Variants in MBD5 observed in about 807,000 individuals in gnomAD.
MBD5 encodes methyl-CpG-binding domain protein 5.
A neutral mutation model predicts 117.3 loss-of-function variants in MBD5; 13 were observed. The ratio of observed to expected loss-of-function variants is 0.11; its 90% CI spans 0.07 to 0.18. The LOEUF (loss-of-function observed/expected upper bound fraction) is 0.18. Ranked by LOEUF, MBD5 falls within the 10% of genes least tolerant of loss-of-function variation. MBD5 has a pLI of 1.00. For synonymous variants in MBD5, 727 were observed against 766.4 expected (o/e 0.95, Z 0.85); for missense variants, 1,879 against 2,093.8 (o/e 0.90, Z 2.00).
At chr2:148,320,827 T>G (rs2106568532) in intron 3 of MBD5, among the ~76,000 whole-genome samples, 1 of 152,322 alleles carries the variant, frequency 6.6e-6, no homozygotes, top group Middle Eastern at 3.4e-3. Flanking sequence ...TCTTTTGTAT[T>G]TCTGTGGTAT....
chr2:148,308,448 G>A (rs911786933), intron 3 of MBD5, among the ~76,000 whole-genome samples: 2 of 141,580 alleles, frequency 1.4e-5, no homozygotes, highest in African/African-American at 5.1e-5. Flanking sequence ...CTTTTGAGAA[G>A]TGTCTGTTCA....
intron 3 of MBD5, among the ~76,000 whole-genome samples, chr2:148,335,636 C>G (rs1340664473): frequency 6.6e-6 from 1 of 151,996 alleles, no homozygotes; most frequent in Non-Finnish European, 1.5e-5. Context: ...GGGAGGATCA[C>G]TTGAGCCCAG....
chr2:148,066,247 A>G (rs1197581380), intron 1 of MBD5, among the ~76,000 whole-genome samples: 1 of 152,110 alleles, frequency 6.6e-6, no homozygotes, highest in Non-Finnish European at 1.5e-5. Context: ...CGGAGGTTGT[A>G]GTGAGCTGAG....
At chr2:148,175,920 A>G (rs966217638) in intron 1 of MBD5, among the ~76,000 whole-genome samples, 7 of 152,236 alleles carry the variant, frequency 4.6e-5, no homozygotes, top group African/African-American at 1.7e-4. Flanking sequence ...AAAGCAAGAA[A>G]TAAGTTTTAG....
intron 1 of MBD5, among the ~76,000 whole-genome samples, chr2:148,113,363 T>A (rs890699154): frequency 2.6e-5 from 4 of 152,004 alleles, no homozygotes; most frequent in African/African-American, 4.8e-5. Context: ...GTCAAAAACT[T>A]TTTTTTTAAC....
At chr2:148,453,462 C>G (rs1273525884) in intron 4 of MBD5, among the ~76,000 whole-genome samples, 2 of 152,002 alleles carry the variant, frequency 1.3e-5, no homozygotes, top group African/African-American at 4.8e-5. Flanking sequence ...ATTATTATTG[C>G]TACTGTTTGT....
intron 4 of MBD5, among the ~76,000 whole-genome samples, chr2:148,426,230 G>A (rs1054486455): frequency 2.6e-5 from 4 of 152,240 alleles, no homozygotes; most frequent in South Asian, 2.1e-4. Context: ...TACTGCCCAA[G>A]GTAATTTATA....
intron 3 of MBD5, among the ~76,000 whole-genome samples, chr2:148,294,501 G>GTTTTTTTTTTTTTTTTTTTTGTT (rs1701592466): frequency 8.8e-6 from 1 of 113,216 alleles, no homozygotes; most frequent in African/African-American, 3.7e-5. Context: ...TGGGATTACA[G>GTTTTTTTTTTTTTTTTTTTTGTT]TTTTTTTTTT....
intron 1 of MBD5, among the ~76,000 whole-genome samples, chr2:148,166,110 A>C (rs1236434652): frequency 6.6e-6 from 1 of 152,162 alleles, no homozygotes; most frequent in Non-Finnish European, 1.5e-5. Context: ...TAAGAAAAAA[A>C]TCTAATAAAC....
intron 4 of MBD5, 108 bp from the exon 5 acceptor site, chr2:148,458,095 A>G: frequency 2.5e-6 from 1 of 393,126 alleles, no homozygotes; most frequent in Non-Finnish European, 4.5e-6. Context: ...ATAGCAAAGG[A>G]CATCAATGTG....
chr2:148,175,062 TA>T (rs1698351573), intron 1 of MBD5, among the ~76,000 whole-genome samples: 1 of 152,090 alleles, frequency 6.6e-6, no homozygotes, highest in Admixed American at 6.5e-5. Context: ...GATGAATGGA[TA>T]AAAAGTAGAG....
chr2:148,413,123 G>A (rs1439429049), intron 4 of MBD5, among the ~76,000 whole-genome samples: 1 of 151,664 alleles, frequency 6.6e-6, no homozygotes, highest in Non-Finnish European at 1.5e-5. Context: ...TTATTTTGAG[G>A]TATGGTATGT....
intron 4 of MBD5, among the ~76,000 whole-genome samples, chr2:148,423,263 G>A (rs2105279298): frequency 6.6e-6 from 1 of 152,084 alleles, no homozygotes; most frequent in African/African-American, 2.4e-5. Flanking sequence ...CCAGAAGAGA[G>A]TGGAGGCCAA....
intron 3 of MBD5, among the ~76,000 whole-genome samples, chr2:148,242,331 A>G (rs1005068404): frequency 6.6e-6 from 1 of 151,856 alleles, no homozygotes; most frequent in African/African-American, 2.4e-5. Flanking sequence ...TTAAATATGT[A>G]AGGTAAGTTT....
At chr2:148,173,601 G>C (rs958019267) in intron 1 of MBD5, among the ~76,000 whole-genome samples, 4 of 152,144 alleles carry the variant, frequency 2.6e-5, no homozygotes, top group Non-Finnish European at 5.9e-5. Flanking sequence ...GGCTGGCAAA[G>C]TGACACCCCA....
At chr2:148,322,355 A>G (rs1043649873) in intron 3 of MBD5, among the ~76,000 whole-genome samples, 2 of 152,176 alleles carry the variant, frequency 1.3e-5, no homozygotes, top group South Asian at 4.1e-4. Context: ...TGCCTTGAGG[A>G]CCTGACCTGT....
At chr2:148,454,009 TA>T (rs981251455) in intron 4 of MBD5, among the ~76,000 whole-genome samples, 6 of 152,246 alleles carry the variant, frequency 3.9e-5, no homozygotes, top group African/African-American at 1.2e-4. Flanking sequence ...TGTACAGGAA[TA>T]TTTTTATCAG....
intron 8 of MBD5, among the ~76,000 whole-genome samples, chr2:148,475,042 G>C (rs1335818488): frequency 6.6e-6 from 1 of 152,132 alleles, no homozygotes; most frequent in Non-Finnish European, 1.5e-5. Context: ...CTCAGGAGAT[G>C]AGAGATTTGT....
At chr2:148,186,270 G>C (rs1331921507) in intron 2 of MBD5, among the ~76,000 whole-genome samples, 1 of 152,210 alleles carries the variant, frequency 6.6e-6, no homozygotes. Flanking sequence ...AAAAACAGGA[G>C]TTTCCCAGCT....
Sources: allele counts gnomAD v4.1 joint callset (sites outside exome capture counted in the v4.1 genomes callset), GRCh38; gene constraint gnomAD v4.1.1; transcripts MANE v1.5; gene names NCBI Gene and HGNC (gene_info 2026-07-23, HGNC 2026-07-21).